Variants in NET1 observed in about 807,000 individuals in gnomAD.
NET1 encodes the protein neuroepithelial cell-transforming gene 1 protein.
A neutral mutation model predicts 61.1 loss-of-function variants in NET1; 42 were observed. The observed-to-expected ratio is 0.69, with a 90% confidence interval of 0.54 to 0.89. NET1 has a LOEUF of 0.89. Among genes scored for constraint, NET1 ranks in the 40% least tolerant of loss-of-function variants. NET1 has a pLI of 0.00. For synonymous variants in NET1, 254 were observed against 281.8 expected, an observed-to-expected ratio of 0.90 and a Z score of 0.99; for missense variants, 654 against 747.3, an observed-to-expected ratio of 0.88 and a Z score of 1.46.
chr10:5,430,959 C>T (rs1207464169), intron 3 of NET1, among the ~76,000 whole-genome samples: 1 of 150,416 alleles, frequency 6.6e-6, no homozygotes, highest in Admixed American at 6.6e-5. Flanking sequence ...GCAAGCTCCG[C>T]CTCCCGGGTT....
intron 3 of NET1, among the ~76,000 whole-genome samples, chr10:5,438,916 G>C (rs978215658): frequency 1.3e-5 from 2 of 152,178 alleles, no homozygotes; most frequent in African/African-American, 4.8e-5. Flanking sequence ...CTGCCATCAT[G>C]GCTCCTGTGC....
chr10:5,453,020 A>C lies in NET1; in HGVS notation c.594+100A>C. Reference sequence around the variant, plus strand: ...TTAACCTTTAGAAGTAGAAGAATAGAAAATATCTACTGGTGAATACATTTT... The same window carrying C: ...TTAACCTTTAGAAGTAGAAGAATAGCAAATATCTACTGGTGAATACATTTT... On this transcript the variant is annotated intron_variant, in intron 6 of 11. Coordinates refer to ENST00000355029, the MANE Select transcript of NET1 (RefSeq NM_001047160.3). This position sits in a 1 kb window ranked among gnomAD's most constrained non-coding sequence, Gnocchi z 4.9. 1.1e-6 allele frequency: 1 copy of C among 884,266 alleles called. No homozygotes were observed. The highest frequency in any genetic ancestry group is 1.5e-5 in the South Asian group (1 of 67,912). The allele number at this position is 884,266 out of a possible 1,614,324, so 54.8% of individuals were successfully genotyped here. A position where few individuals can be genotyped will look rare whatever the true frequency, so the allele number is the denominator to read the frequency against.
chr10:5,436,275 T>A lies in NET1; in HGVS notation c.255+7046T>A, dbSNP rs554618168. On this transcript the variant is annotated intron_variant, in intron 3 of 11. Transcript: ENST00000355029. ...TTTTTTTTTTTTTTTTTTTTTTTTT[T>A]AATGTGGAGTTTTGCTCTTGTTGCC... 3.9e-3 allele frequency among the ~76,000 whole-genome samples: 419 copies of A among 106,748 alleles called. 22 individuals carry two copies. The East Asian group carries it at 0.076, about 19-fold the overall frequency. 70.0% of individuals were successfully genotyped at this position (106,748 alleles called of 152,430 possible). A position where few individuals can be genotyped will look rare whatever the true frequency, so the allele number is the denominator to read the frequency against.
Position 5,440,923 on chromosome 10 carries a change from A to G in NET1, c.256-10907A>G, listed in dbSNP as rs1194417713. 6.6e-6 allele frequency among the ~76,000 whole-genome samples: 1 copy of G among 152,116 alleles called. No individual in the cohort carries two copies. The highest frequency in any genetic ancestry group is 6.6e-5 in the Admixed American group (1 of 15,264). ...CCTGTGTTTCTGATCTCTAGGACCAATCTCAGTGTCCATATTTTAGCCTGG... is the reference window on the plus strand; with the variant it reads ...CCTGTGTTTCTGATCTCTAGGACCAGTCTCAGTGTCCATATTTTAGCCTGG... On this transcript the variant is annotated intron_variant, in intron 3 of 11. Coordinates refer to ENST00000355029, the MANE Select transcript of NET1 (RefSeq NM_001047160.3). This position sits in a 1 kb window ranked among gnomAD's most constrained non-coding sequence, Gnocchi z 4.1.
chr10:5,413,614 T>A (rs919959710), intron 1 of NET1, among the ~76,000 whole-genome samples: 1 of 152,172 alleles, frequency 6.6e-6, no homozygotes, highest in African/African-American at 2.4e-5. Context: ...ATGTCAGATG[T>A]TATTGATAGG....
chr10:5,415,344 AATCTGTCG>A lies in NET1; in HGVS notation c.128+2525_128+2532del, dbSNP rs934088129. ...TCCTACCCCTTCTGCCCTAAAACCT[AATCTGTCG>A]GTCTGTAGGAATTTCTCTGTTCTGG... is the stretch of plus-strand genomic sequence containing the variant. On this transcript the variant is annotated intron_variant, in intron 1 of 11. Coordinates refer to ENST00000355029, the MANE Select transcript of NET1 (RefSeq NM_001047160.3). The surrounding 1 kb of genome is among the most constrained non-coding windows in gnomAD (Gnocchi z 4.7). Among the ~76,000 whole-genome samples, 1 of 151,988 alleles carries A rather than the reference AATCTGTCG, an allele frequency of 6.6e-6. No individual in the cohort carries two copies. Among genetic ancestry groups the A allele is most frequent in the African/African-American group, 2.4e-5 (1 of 41,388 alleles).
intron 3 of NET1, among the ~76,000 whole-genome samples, chr10:5,430,765 T>A (rs903977758): frequency 1.2e-4 from 18 of 152,154 alleles, no homozygotes; most frequent in Admixed American, 1.1e-3. Flanking sequence ...CTTGATCTTG[T>A]TTGTGTGTTT....
rs1832733420 is a variant in NET1, at chr10:5,453,014, G to A, written c.594+94G>A. ...GTTTTCTTAACCTTTAGAAGTAGAA[G>A]AATAGAAAATATCTACTGGTGAATA... is the stretch of plus-strand genomic sequence containing the variant. On this transcript the variant is annotated intron_variant, in intron 6 of 11. Coordinates refer to ENST00000355029, the MANE Select transcript of NET1 (RefSeq NM_001047160.3). The surrounding 1 kb of genome is among the most constrained non-coding windows in gnomAD (Gnocchi z 4.9). 1 of 932,602 alleles carries A rather than the reference G, an allele frequency of 1.1e-6. No individual in the cohort carries two copies. The highest frequency in any genetic ancestry group is 1.4e-5 in the South Asian group (1 of 69,802). The allele number at this position is 932,602 out of a possible 1,614,324, so 57.8% of individuals were successfully genotyped here. A position where few individuals can be genotyped will look rare whatever the true frequency, so the allele number is the denominator to read the frequency against.
rs184974102 is a variant in NET1 at position 5,456,472 on chromosome 10, T to C, written c.1385-116T>C. On this transcript the variant is annotated intron_variant, in intron 11 of 11. Coordinates refer to ENST00000355029, the MANE Select transcript of NET1 (RefSeq NM_001047160.3). The surrounding 1 kb of genome is among the most constrained non-coding windows in gnomAD (Gnocchi z 7.0). ...AATGCATAGGCTTAATGTATTCACATTGACATAAATAAATTGCCATAAATT... is the reference window on the plus strand; with the variant it reads ...AATGCATAGGCTTAATGTATTCACACTGACATAAATAAATTGCCATAAATT... 2.4e-5 allele frequency: 28 copies of C among 1,144,472 alleles called. No homozygotes were observed. The highest frequency in any genetic ancestry group is 2.3e-4 in the South Asian group (14 of 61,878). The allele number at this position is 1,144,472 out of a possible 1,614,324, so 70.9% of individuals were successfully genotyped here. A position where few individuals can be genotyped will look rare whatever the true frequency, so the allele number is the denominator to read the frequency against.
rs1002859519 is a variant in NET1 at position 5,449,665 on chromosome 10, G to A, written c.256-2165G>A. On this transcript the variant is annotated intron_variant, in intron 3 of 11. Coordinates refer to ENST00000355029, the MANE Select transcript of NET1 (RefSeq NM_001047160.3). The surrounding 1 kb of genome is among the most constrained non-coding windows in gnomAD (Gnocchi z 4.4). ...AATATCACATAATTTTGAGTTACCAGGAAGTTAGTAGTTGTACAGTAACTG... is the reference window on the plus strand; with the variant it reads ...AATATCACATAATTTTGAGTTACCAAGAAGTTAGTAGTTGTACAGTAACTG... 2.6e-5 allele frequency among the ~76,000 whole-genome samples: 4 copies of A among 152,078 alleles called. No homozygotes were observed. The East Asian group carries it at 5.8e-4, about 22-fold the overall frequency.
At position 5,446,461 on chromosome 10, in the gene NET1, TCTC is replaced by T. The variant is rs954258256; in HGVS notation, c.256-5363_256-5361del. On this transcript the variant is annotated intron_variant, in intron 3 of 11. Coordinates refer to ENST00000355029, the MANE Select transcript of NET1 (RefSeq NM_001047160.3). This position sits in a 1 kb window ranked among gnomAD's most constrained non-coding sequence, Gnocchi z 5.0. ...CTGTCCTACTTGAACCCAGCTTCAC[TCTC>T]CTCCTGGGCGAAAGCTGAGAGGCCT... 2.3e-5 allele frequency: 14 copies of T among 617,816 alleles called. No individual in the cohort carries two copies. The highest frequency in any genetic ancestry group is 2.9e-5 in the Non-Finnish European group (14 of 481,472). 38.3% of individuals were successfully genotyped at this position (617,816 alleles called of 1,614,324 possible).
chr10:5,439,154 G>A lies in NET1; in HGVS notation c.255+9925G>A, dbSNP rs1832485369. ...CATTTGCCACTGCTCAGGAGCCTGT[G>A]TATATCTGTATGTCATGCCATTTCT... is the stretch of plus-strand genomic sequence containing the variant. On this transcript the variant is annotated intron_variant, in intron 3 of 11. Transcript: ENST00000355029. This position sits in a 1 kb window ranked among gnomAD's most constrained non-coding sequence, Gnocchi z 4.8. 6.6e-6 allele frequency among the ~76,000 whole-genome samples: 1 copy of A among 152,210 alleles called. No individual in the cohort carries two copies. Among genetic ancestry groups the A allele is most frequent in the South Asian group, 2.1e-4 (1 of 4,830 alleles).
intron 1 of NET1, among the ~76,000 whole-genome samples, chr10:5,419,040 A>C (rs1177039782): frequency 1.3e-5 from 2 of 152,122 alleles, no homozygotes; most frequent in African/African-American, 4.8e-5. Flanking sequence ...CTATCCTTTT[A>C]CATTTATTGA....
chr10:5,429,027 C>A, intron 2 of NET1, 143 bp from the exon 3 acceptor site: 1 of 536,876 alleles, frequency 1.9e-6, no homozygotes, highest in Non-Finnish European at 3.2e-6. Context: ...AGCCACCGCG[C>A]CTGGCCTCAA....
chr10:5,450,115 C>T (rs1319743701), intron 3 of NET1, among the ~76,000 whole-genome samples: 1 of 152,224 alleles, frequency 6.6e-6, no homozygotes, highest in Non-Finnish European at 1.5e-5. Context: ...CACATGTCCT[C>T]AGAAGCACAG....
chr10:5,433,417 A>G (rs1832379208), intron 3 of NET1, among the ~76,000 whole-genome samples: 1 of 152,212 alleles, frequency 6.6e-6, no homozygotes, highest in African/African-American at 2.4e-5. Context: ...TAGGACCTGT[A>G]AAGCCAAAAG....
Position 5,426,947 on chromosome 10 carries a change from A to G in NET1, c.195+226A>G, listed in dbSNP as rs765007132. On this transcript the variant is annotated intron_variant, in intron 2 of 11. Coordinates refer to ENST00000355029, the MANE Select transcript of NET1 (RefSeq NM_001047160.3). The surrounding 1 kb of genome is among the most constrained non-coding windows in gnomAD (Gnocchi z 4.6). Reference sequence around the variant, plus strand: ...CATATTTTGCAAAGTACTCACATCTATTAATCTTTAACTCTATGCCATCCT... The same window carrying G: ...CATATTTTGCAAAGTACTCACATCTGTTAATCTTTAACTCTATGCCATCCT... 1.3e-5 allele frequency among the ~76,000 whole-genome samples: 2 copies of G among 152,178 alleles called. No homozygotes were observed. Among genetic ancestry groups the G allele is most frequent in the Non-Finnish European group, 2.9e-5 (2 of 68,020 alleles).
chr10:5,456,392 C>T lies in NET1; in HGVS notation c.1384+119C>T. 1 of 1,131,292 alleles carries T rather than the reference C, an allele frequency of 8.8e-7. No individual in the cohort carries two copies. Among genetic ancestry groups the T allele is most frequent in the South Asian group, 1.7e-5 (1 of 59,404 alleles). 70.1% of individuals were successfully genotyped at this position (1,131,292 alleles called of 1,614,324 possible). A position where few individuals can be genotyped will look rare whatever the true frequency, so the allele number is the denominator to read the frequency against. The stretch of plus-strand genomic sequence containing the variant: ...TCCATTGTCCTATACTTGTTACATC[C>T]ATTGAGTTGTCCAGGCCTTCCCAGC... On this transcript the variant is annotated intron_variant, in intron 11 of 11. Transcript: ENST00000355029. This position sits in a 1 kb window ranked among gnomAD's most constrained non-coding sequence, Gnocchi z 7.0.
chr10:5,442,651 T>C (rs1269730657), intron 3 of NET1, among the ~76,000 whole-genome samples: 5 of 152,226 alleles, frequency 3.3e-5, no homozygotes, highest in East Asian at 3.9e-4. Context: ...TTCCAGCACT[T>C]TGGGAGGCCA....
Sources: allele counts gnomAD v4.1 joint callset (sites outside exome capture counted in the v4.1 genomes callset), GRCh38; gene constraint gnomAD v4.1.1; non-coding constraint Gnocchi (gnomAD v3.1); transcripts MANE v1.5; gene names NCBI Gene and HGNC (gene_info 2026-07-23, HGNC 2026-07-21).